Variants in GPC6 observed in about 807,000 individuals in gnomAD.
GPC6 encodes the protein glypican-6.
A neutral mutation model predicts 55.2 loss-of-function variants in GPC6; 14 were observed. The observed-to-expected ratio is 0.25, with a 90% CI of 0.17 to 0.40. The LOEUF (loss-of-function observed/expected upper bound fraction) is 0.40. GPC6 is among the 10% of genes least tolerant of loss of function. The pLI, the probability that GPC6 is intolerant of heterozygous loss-of-function variation, is 1.00. For synonymous variants in GPC6, 278 were observed against 259.6 expected, an observed-to-expected ratio of 1.07 and a Z score of -0.68; for missense variants, 641 against 708.5, an observed-to-expected ratio of 0.90 and a Z score of 1.08.
At chr13:93,412,877 T>C (rs1876563464) in intron 1 of GPC6, among the ~76,000 whole-genome samples, 1 of 152,188 alleles carries the variant, frequency 6.6e-6, no homozygotes, top group African/African-American at 2.4e-5. Context: ...TGCCACTTTT[T>C]ACCCCCTCCC....
At chr13:93,450,137 C>T (rs983419771) in intron 1 of GPC6, among the ~76,000 whole-genome samples, 5 of 152,126 alleles carry the variant, frequency 3.3e-5, no homozygotes, top group African/African-American at 1.2e-4. Flanking sequence ...GTTTTATCCA[C>T]CACTGGAGTT....
At chr13:93,869,105 A>C (rs1889052925) in intron 3 of GPC6, among the ~76,000 whole-genome samples, 1 of 151,852 alleles carries the variant, frequency 6.6e-6, no homozygotes, top group African/African-American at 2.4e-5. Flanking sequence ...GAAAGTGATT[A>C]GCCCTTTAAT....
At chr13:93,609,569 C>T (rs1594308579) in intron 2 of GPC6, among the ~76,000 whole-genome samples, 1 of 152,218 alleles carries the variant, frequency 6.6e-6, no homozygotes, top group East Asian at 1.9e-4. Flanking sequence ...AACTTCCTAA[C>T]TGATTTGCTT....
At chr13:93,352,597 G>C (rs12876880) in intron 1 of GPC6, among the ~76,000 whole-genome samples, 10,505 of 152,126 alleles carry the variant, frequency 0.069, 499 homozygotes, top group East Asian at 0.12. Flanking sequence ...TGAGGTGAGA[G>C]CCTGCTTGAC....
At chr13:93,753,292 G>T (rs974501193) in intron 2 of GPC6, among the ~76,000 whole-genome samples, 1 of 152,162 alleles carries the variant, frequency 6.6e-6, no homozygotes, top group African/African-American at 2.4e-5. Context: ...TAACAACACT[G>T]TCAGCTTTTC....
intron 4 of GPC6, among the ~76,000 whole-genome samples, chr13:94,138,302 C>T (rs1230434367): frequency 6.6e-6 from 1 of 152,192 alleles, no homozygotes; most frequent in African/African-American, 2.4e-5. Context: ...GATATTCAAA[C>T]TGTATTTGCC....
At chr13:93,592,602 T>C (rs1317901370) in intron 2 of GPC6, among the ~76,000 whole-genome samples, 1 of 151,138 alleles carries the variant, frequency 6.6e-6, no homozygotes, top group Non-Finnish European at 1.5e-5. Flanking sequence ...AATAGTAGTA[T>C]TGCAAATGAG....
chr13:93,595,182 G>C (rs1346062265), intron 2 of GPC6, among the ~76,000 whole-genome samples: 1 of 152,062 alleles, frequency 6.6e-6, no homozygotes, highest in Non-Finnish European at 1.5e-5. Flanking sequence ...AGTTAAATTT[G>C]TATTTTTACA....
chr13:93,739,750 C>T (rs538742808), intron 2 of GPC6, among the ~76,000 whole-genome samples: 1 of 152,232 alleles, frequency 6.6e-6, no homozygotes, highest in South Asian at 2.1e-4. Flanking sequence ...ATCGAGTGTC[C>T]ATTGTATGTC....
chr13:94,387,160 T>C (rs1371235198), intron 7 of GPC6, among the ~76,000 whole-genome samples: 1 of 152,132 alleles, frequency 6.6e-6, no homozygotes, highest in East Asian at 1.9e-4. Flanking sequence ...TAAGGGTGTG[T>C]AAGCAGTGGC....
chr13:93,280,417 A>T (rs1877910859), intron 1 of GPC6, among the ~76,000 whole-genome samples: 1 of 152,224 alleles, frequency 6.6e-6, no homozygotes, highest in African/African-American at 2.4e-5. Flanking sequence ...CAAAGATGCA[A>T]ACTAAGCAAA....
intron 2 of GPC6, among the ~76,000 whole-genome samples, chr13:93,638,246 A>G (rs569160079): frequency 2.0e-5 from 3 of 152,260 alleles, no homozygotes; most frequent in African/African-American, 7.2e-5. Context: ...ACATTTGGTG[A>G]TATTAACTCC....
intron 2 of GPC6, among the ~76,000 whole-genome samples, chr13:93,584,806 A>G (rs1358786628): frequency 6.9e-6 from 1 of 145,880 alleles, no homozygotes; most frequent in Non-Finnish European, 1.5e-5. Context: ...CTCTAACCTT[A>G]GTCTCCAAAG....
intron 1 of GPC6, among the ~76,000 whole-genome samples, chr13:93,297,216 C>T (rs556846464): frequency 7.9e-5 from 12 of 152,236 alleles, no homozygotes; most frequent in Middle Eastern, 6.8e-3. Flanking sequence ...AATGTTTCTT[C>T]TAGGCCGGGA....
chr13:93,901,758 G>A (rs575569064), intron 3 of GPC6, among the ~76,000 whole-genome samples: 2 of 151,718 alleles, frequency 1.3e-5, no homozygotes, highest in Admixed American at 6.6e-5. Context: ...AAAAGTAGCC[G>A]GGCGTGGTAG....
intron 2 of GPC6, among the ~76,000 whole-genome samples, chr13:93,765,308 T>TTCCAGATAACCTGTCTGGA: frequency 6.7e-6 from 1 of 148,686 alleles, no homozygotes; most frequent in African/African-American, 2.5e-5. Context: ...AAAGACAACT[T>TTCCAGATAACCTGTCTGGA]ATTTGGTTTA....
chr13:94,224,836 G>T (rs1032159409), intron 4 of GPC6, among the ~76,000 whole-genome samples: 1 of 152,060 alleles, frequency 6.6e-6, no homozygotes, highest in African/African-American at 2.4e-5. Context: ...TTCTTGACTG[G>T]TCCACCTCTG....
intron 1 of GPC6, among the ~76,000 whole-genome samples, chr13:93,532,024 C>G (rs892808427): frequency 3.3e-5 from 5 of 152,190 alleles, no homozygotes; most frequent in African/African-American, 1.2e-4. Context: ...AGTTTCTGCA[C>G]TTTTCTACAG....
intron 1 of GPC6, among the ~76,000 whole-genome samples, chr13:93,489,692 T>C (rs2139353680): frequency 6.6e-6 from 1 of 151,732 alleles, no homozygotes; most frequent in African/African-American, 2.4e-5. Context: ...TTCACGTCCC[T>C]TGTAAGTTGG....
Sources: gnomAD v4.1 joint callset for allele counts (sites outside exome capture counted in the v4.1 genomes callset) on GRCh38, gnomAD v4.1.1 for gene constraint, MANE v1.5 for transcripts, NCBI Gene and HGNC (gene_info 2026-07-23, HGNC 2026-07-21) for gene names.